Variants in C3orf49 observed in about 807,000 individuals in gnomAD.
The protein encoded by C3orf49 is chromosome 3 open reading frame 49.
In C3orf49, 27 loss-of-function variants were observed where a neutral mutation model predicts 13.3. The observed-to-expected ratio is 2.02, with a 90% CI of 1.49 to 2.79. C3orf49 has a LOEUF of 2.79. Ranked by LOEUF, C3orf49 falls within the 30% of genes most tolerant of loss-of-function variation. The pLI is 0.00. For synonymous variants in C3orf49, 87 were observed against 47.6 expected (o/e 1.83, Z -3.40); for missense variants, 242 against 134.2 (o/e 1.80, Z -3.97).
the C3orf49 span, among the ~76,000 whole-genome samples, chr3:63,796,121 C>T: frequency 1.3e-5 from 2 of 152,076 alleles, no homozygotes; most frequent in South Asian, 4.1e-4. Context: ...TCAGCTCTTT[C>T]ACCTTTTTGG....
the C3orf49 span, among the ~76,000 whole-genome samples, chr3:63,795,891 T>C: frequency 6.6e-6 from 1 of 152,094 alleles, no homozygotes; most frequent in African/African-American, 2.4e-5. Flanking sequence ...CCACACCCAA[T>C]TTGTCAAGTT....
intron 5 of C3orf49, chr3:63,834,021 G>C (rs767871591): frequency 2.1e-6 from 2 of 963,636 alleles, no homozygotes; most frequent in Non-Finnish European, 3.1e-6. Context: ...CTTAAAAACA[G>C]AGTATTTTAC....
chr3:63,842,500 A>G (rs1701787529), intron 5 of C3orf49, among the ~76,000 whole-genome samples: 1 of 152,216 alleles, frequency 6.6e-6, no homozygotes, highest in Non-Finnish European at 1.5e-5. Context: ...TCTATACACC[A>G]TGGAATACTA....
At chr3:63,794,006 T>A in the C3orf49 span, among the ~76,000 whole-genome samples, 1 of 152,020 alleles carries the variant, frequency 6.6e-6, no homozygotes, top group Non-Finnish European at 1.5e-5. Context: ...ATTTAAAAAA[T>A]TAGCCAGTGG....
At chr3:63,807,679 A>T in the C3orf49 span, among the ~76,000 whole-genome samples, 5 of 151,846 alleles carry the variant, frequency 3.3e-5, no homozygotes. Flanking sequence ...CAGCATGGTG[A>T]AACCCTGTCT....
At chr3:63,837,662 C>T (rs1350165161) in intron 5 of C3orf49, among the ~76,000 whole-genome samples, 1 of 151,538 alleles carries the variant, frequency 6.6e-6, no homozygotes, top group Non-Finnish European at 1.5e-5. Context: ...TGCTGATTAA[C>T]CATAACATTA....
chr3:63,798,055 T>C, the C3orf49 span, among the ~76,000 whole-genome samples: 1 of 152,220 alleles, frequency 6.6e-6, no homozygotes, highest in African/African-American at 2.4e-5. Flanking sequence ...AGGCATTGTA[T>C]AAGATGTTAA....
chr3:63,804,510 G>T, the C3orf49 span, among the ~76,000 whole-genome samples: 1 of 152,000 alleles, frequency 6.6e-6, no homozygotes, highest in African/African-American at 2.4e-5. Flanking sequence ...TGCTCCCTCT[G>T]CCTGGAATGT....
At chr3:63,781,387 C>T in the C3orf49 span, among the ~76,000 whole-genome samples, 2 of 152,080 alleles carry the variant, frequency 1.3e-5, no homozygotes, top group Admixed American at 6.5e-5. Context: ...GTTTTGGTTA[C>T]TGTAGCCTTG....
chr3:63,784,288 A>C, the C3orf49 span, among the ~76,000 whole-genome samples: 1 of 152,214 alleles, frequency 6.6e-6, no homozygotes, highest in African/African-American at 2.4e-5. Context: ...TCCCATTATT[A>C]ACAAATCTGG....
At chr3:63,786,727 A>G in the C3orf49 span, among the ~76,000 whole-genome samples, 1 of 152,208 alleles carries the variant, frequency 6.6e-6, no homozygotes, top group Non-Finnish European at 1.5e-5. Flanking sequence ...AATTCTCACA[A>G]TAACTCTATG....
In C3orf49 at chr3:63,819,567, T is replaced by C. The variant is rs1701369043; in HGVS notation, c.96T>C (p.Asn32=). ...GATTCCAGCAACTCAAGAAGAAAAA[T>C]GGCTCATTCAAAAGGAAGGGGATAG... ...CRRFQQLKKK[N]GSFKRKGIER... The change falls in exon 1 of 7, where the codon AAT becomes AAC. Residue 32 remains asparagine (N), a synonymous_variant. Transcript: ENST00000295896. 3 of 703,164 alleles carry C rather than the reference T, an allele frequency of 4.3e-6. No homozygotes were observed. The Admixed American group carries it at 6.0e-5, about 14-fold the overall frequency. The allele number at this position is 703,164 out of a possible 1,614,324, so 43.6% of individuals were successfully genotyped here.
chr3:63,817,238 T>C (rs748876268), upstream of C3orf49, among the ~76,000 whole-genome samples: 12 of 152,120 alleles, frequency 7.9e-5, no homozygotes, highest in Non-Finnish European at 8.8e-5. Context: ...TAACGCTCCA[T>C]CTAAAGTCAC....
chr3:63,805,931 T>C, the C3orf49 span, among the ~76,000 whole-genome samples: 1 of 152,290 alleles, frequency 6.6e-6, no homozygotes, highest in African/African-American at 2.4e-5. Flanking sequence ...CTGGTCTTTT[T>C]TCATTTGTTT....
chr3:63,800,816 C>T, the C3orf49 span, among the ~76,000 whole-genome samples: 1 of 152,074 alleles, frequency 6.6e-6, no homozygotes, highest in East Asian at 1.9e-4. Flanking sequence ...TTCCAAGCAA[C>T]AGGAACCTTG....
the C3orf49 span, among the ~76,000 whole-genome samples, chr3:63,780,251 TG>T: frequency 6.6e-6 from 1 of 152,330 alleles, no homozygotes; most frequent in Non-Finnish European, 1.5e-5. Context: ...TTTGGTTTTT[TG>T]TCCTTGCGAT....
chr3:63,797,519 C>A, the C3orf49 span, among the ~76,000 whole-genome samples: 2 of 152,132 alleles, frequency 1.3e-5, no homozygotes, highest in African/African-American at 2.4e-5. Context: ...GGACTACCCT[C>A]ACAAGACTGT....
the C3orf49 span, among the ~76,000 whole-genome samples, chr3:63,804,331 T>C: frequency 6.6e-6 from 1 of 152,208 alleles, no homozygotes; most frequent in Non-Finnish European, 1.5e-5. Flanking sequence ...TATAGCCATC[T>C]AGGTAAACAA....
chr3:63,804,638 C>A, the C3orf49 span, among the ~76,000 whole-genome samples: 1 of 152,170 alleles, frequency 6.6e-6, no homozygotes. Flanking sequence ...TCCCACAGAC[C>A]TGTGAGTCTG....
Sources: gnomAD v4.1 joint callset for allele counts (sites outside exome capture counted in the v4.1 genomes callset) on GRCh38, gnomAD v4.1.1 for gene constraint, MANE v1.5 for transcripts, NCBI Gene and HGNC (gene_info 2026-07-23, HGNC 2026-07-21) for gene names.